Variants in MYO9B observed in about 807,000 individuals in gnomAD.
MYO9B encodes the protein myosin IXB.
MYO9B carries 71 observed loss-of-function variants against 229.5 expected under a neutral mutation model. The observed-to-expected ratio is 0.31, with a 90% CI of 0.26 to 0.38. The LOEUF (loss-of-function observed/expected upper bound fraction) is 0.38, where lower values mean the gene tolerates loss of function less well. Ranked by LOEUF, MYO9B falls within the 10% of genes least tolerant of loss-of-function variation. The pLI is 1.00. For missense variants in MYO9B, 2,255 were observed against 2,920.5 expected (o/e 0.77, Z 5.25); for synonymous variants, 1,185 against 1,235.8 (o/e 0.96, Z 0.86).
Position 17,125,303 on chromosome 19 carries a change from C to CG in MYO9B, c.841-20094_841-20093insG, listed in dbSNP as rs1022986995. ...GCAACAGAGTAAAACCCCATCCCCC[C>CG]CCCCCCAAAAAAAGGGTAAGATGAG... is the stretch of plus-strand genomic sequence containing the variant. On this transcript the variant is annotated intron_variant, in intron 2 of 39. Transcript: ENST00000682292. 3.2e-4 allele frequency among the ~76,000 whole-genome samples: 44 copies of CG among 137,692 alleles called. 1 individual carries two copies. The highest frequency in any genetic ancestry group is 3.4e-4 in the Non-Finnish European group (22 of 63,840). 90.3% of individuals were successfully genotyped at this position (137,692 alleles called of 152,430 possible).
At chr19:17,202,739 G>T (rs1568300797) in intron 28 of MYO9B, 103 bp from the exon 29 acceptor site, 3 of 1,175,276 alleles carry the variant, frequency 2.6e-6, no homozygotes, top group East Asian at 5.2e-5. Context: ...CCAGGTGAGG[G>T]AGGGTTCAGG....
rs983890241 is a variant in MYO9B, at chr19:17,195,609, C to T, written c.4046+136C>T. ...GTGCGGGAGGCCTGAGGGAGGAGGA[C>T]GAGCAGGACATGCTAAAGACCAAGT... On this transcript the variant is annotated intron_variant, in intron 22 of 39. Coordinates refer to ENST00000682292, the MANE Select transcript of MYO9B (RefSeq NM_004145.4). This position sits in a 1 kb window ranked among gnomAD's most constrained non-coding sequence, Gnocchi z 4.5. The T allele has an allele frequency of 6.0e-5, 70 of 1,160,892 alleles. 1 individual carries two copies. The highest frequency in any genetic ancestry group is 3.8e-4 in the East Asian group (15 of 39,022). 71.9% of individuals were successfully genotyped at this position (1,160,892 alleles called of 1,614,324 possible). A position where few individuals can be genotyped will look rare whatever the true frequency, so the allele number is the denominator to read the frequency against.
chr19:17,178,465 A>G (rs533355787), intron 14 of MYO9B: 4 of 150,178 alleles, frequency 2.7e-5, no homozygotes, highest in African/African-American at 1.0e-4. Context: ...AAATGTCTGG[A>G]ATAAGGAATT....
At chr19:17,173,824 C>G (rs1370396805) in intron 13 of MYO9B, among the ~76,000 whole-genome samples, 4 of 152,028 alleles carry the variant, frequency 2.6e-5, no homozygotes, top group Non-Finnish European at 5.9e-5. Context: ...GAGTGGCTCA[C>G]CCAGGTCTAA....
chr19:17,208,010 CA>C (rs59894440), intron 35 of MYO9B: 32 of 136,458 alleles, frequency 2.3e-4, no homozygotes, highest in Admixed American at 5.1e-4. Flanking sequence ...AACTCTATCT[CA>C]AAAAAAAAAA....
chr19:17,120,521 G>C (rs1268600014), intron 2 of MYO9B, among the ~76,000 whole-genome samples: 1 of 151,646 alleles, frequency 6.6e-6, no homozygotes, highest in Non-Finnish European at 1.5e-5. Context: ...TGTAACCCCA[G>C]CTACTCAGGA....
In MYO9B at chr19:17,206,040, G is replaced by C. The variant is rs776366502; in HGVS notation, c.5145G>C (p.Val1715=). 6.2e-7 allele frequency: 1 copy of C among 1,610,204 alleles called. No individual in the cohort carries two copies. The highest frequency in any genetic ancestry group is 8.5e-7 in the Non-Finnish European group (1 of 1,177,754). Residue 1715 remains valine, a synonymous_variant, in exon 32 of 40, where the codon GTG becomes GTC. Transcript: ENST00000682292. The part of the protein sequence containing the change: ...LTSDKASVPI[V]LEKLLEHVEM... ...GCGACAAGGCCTCGGTGCCCATCGT[G>C]CTGGAGAAGCTCCTGGAACACGTGG...
intron 2 of MYO9B, among the ~76,000 whole-genome samples, chr19:17,135,098 A>T (rs2072252881): frequency 6.6e-6 from 1 of 152,110 alleles, no homozygotes; most frequent in Non-Finnish European, 1.5e-5. Flanking sequence ...CGTCTTGGCT[A>T]TTGTGATTAG....
chr19:17,095,475 T>C (rs1031784910), intron 1 of MYO9B: 8 of 152,294 alleles, frequency 5.3e-5, no homozygotes, highest in Admixed American at 4.6e-4. Context: ...TTTTTGCGTC[T>C]GGCTTCTCTC....
intron 30 of MYO9B, among the ~76,000 whole-genome samples, chr19:17,204,232 C>T (rs139645754): frequency 1.3e-3 from 200 of 152,056 alleles, no homozygotes; most frequent in African/African-American, 4.7e-3. Context: ...ACCAGTGTAC[C>T]CTCTGCAAGG....
At chr19:17,106,957 G>A (rs1325570500) in intron 2 of MYO9B, among the ~76,000 whole-genome samples, 2 of 152,192 alleles carry the variant, frequency 1.3e-5, no homozygotes, top group Non-Finnish European at 2.9e-5. Flanking sequence ...CAGGTACTTC[G>A]GAGGCTGAGG....
At chr19:17,157,841 A>G (rs966414513) in intron 7 of MYO9B, 2 of 152,234 alleles carry the variant, frequency 1.3e-5, no homozygotes, top group African/African-American at 4.8e-5. Flanking sequence ...TGATCATGCC[A>G]CTGAACTCCA....
intron 30 of MYO9B, among the ~76,000 whole-genome samples, chr19:17,204,914 G>A (rs2073142923): frequency 6.6e-6 from 1 of 152,140 alleles, no homozygotes; most frequent in African/African-American, 2.4e-5. Context: ...CACTTTGGGA[G>A]GCCGAGGTGG....
At chr19:17,154,823 G>A (rs946173814) in intron 6 of MYO9B, among the ~76,000 whole-genome samples, 3 of 152,066 alleles carry the variant, frequency 2.0e-5, no homozygotes, top group African/African-American at 7.2e-5. Flanking sequence ...TTAGCCAGGC[G>A]TGGTAGTATG....
At chr19:17,181,395 G>A (rs2279005) in intron 15 of MYO9B, among the ~76,000 whole-genome samples, 1 of 152,234 alleles carries the variant, frequency 6.6e-6, no homozygotes, top group Non-Finnish European at 1.5e-5. Flanking sequence ...TGAGTTTGCA[G>A]AGAAGCCATC....
At chr19:17,199,210 C>CT (rs34384529) in intron 24 of MYO9B, among the ~76,000 whole-genome samples, 66,220 of 150,966 alleles carry the variant, frequency 0.44, 15,238 homozygotes, top group East Asian at 0.73. Context: ...CTCAAAAAAA[C>CT]TTTTTTTTTA....
At chr19:17,173,523 C>T (rs896194236) in intron 13 of MYO9B, among the ~76,000 whole-genome samples, 1 of 151,914 alleles carries the variant, frequency 6.6e-6, no homozygotes, top group Non-Finnish European at 1.5e-5. Context: ...AGGCTGGTCT[C>T]GAACTCCTGA....
intron 18 of MYO9B, among the ~76,000 whole-genome samples, chr19:17,186,800 G>A (rs186799080): frequency 1.3e-5 from 2 of 152,036 alleles, no homozygotes; most frequent in East Asian, 1.9e-4. Context: ...GTGCGATCTC[G>A]GCTCACTGCA....
At chr19:17,155,284 G>C (rs746197582) in intron 6 of MYO9B, among the ~76,000 whole-genome samples, 10 of 151,780 alleles carry the variant, frequency 6.6e-5, no homozygotes, top group Admixed American at 1.3e-4. Flanking sequence ...ACCTCCCCTG[G>C]TTCAGGTGAT....
Sources: allele counts gnomAD v4.1 joint callset (sites outside exome capture counted in the v4.1 genomes callset), GRCh38; gene constraint gnomAD v4.1.1; non-coding constraint Gnocchi (gnomAD v3.1); transcripts MANE v1.5; gene names NCBI Gene and HGNC (gene_info 2026-07-23, HGNC 2026-07-21).